The following INPP5A variants were observed in gnomAD, a reference collection of about 807,000 sequenced individuals.
The protein encoded by INPP5A is 43 kDa inositol polyphosphate 5-phophatase.
Under a neutral mutation model 65.2 loss-of-function variants are expected in INPP5A, and 14 were observed. The observed-to-expected ratio is 0.21, with a 90% CI of 0.14 to 0.34. INPP5A has a LOEUF of 0.34. Among genes scored for constraint, INPP5A ranks in the 10% least tolerant of loss-of-function variants. INPP5A has a pLI of 1.00. For synonymous variants in INPP5A, 207 were observed against 208.3 expected (o/e 0.99, Z 0.05); for missense variants, 431 against 545.6 (o/e 0.79, Z 2.09).
At chr10:132,554,485 C>T (rs888967011) in intron 1 of INPP5A, among the ~76,000 whole-genome samples, 13 of 152,212 alleles carry the variant, frequency 8.5e-5, no homozygotes, top group African/African-American at 2.6e-4. Context: ...TACTGAGAGG[C>T]GGGAAATAGG....
intron 2 of INPP5A, among the ~76,000 whole-genome samples, chr10:132,630,908 C>T (rs571313663): frequency 8.5e-5 from 13 of 152,178 alleles, no homozygotes; most frequent in Non-Finnish European, 1.8e-4. Context: ...CACCTCTGCC[C>T]GTGGCGTCTC....
chr10:132,679,901 G>A (rs937778537), intron 4 of INPP5A, among the ~76,000 whole-genome samples: 1 of 152,208 alleles, frequency 6.6e-6, no homozygotes, highest in Admixed American at 6.5e-5. Flanking sequence ...GTGCTGGGAC[G>A]CTGATACCCA....
chr10:132,579,221 G>A (rs1239905841), intron 1 of INPP5A, among the ~76,000 whole-genome samples: 4 of 152,040 alleles, frequency 2.6e-5, no homozygotes. Flanking sequence ...GGGGGGAGGT[G>A]GAGCCTGTGG....
rs957573448 is a variant in INPP5A, at chr10:132,782,490, G to A, written c.*461G>A. 5.0e-6 allele frequency: 1 copy of A among 200,102 alleles called. No homozygotes were observed. Among genetic ancestry groups the A allele is most frequent in the East Asian group, 1.2e-4 (1 of 8,002 alleles). 12.4% of individuals were successfully genotyped at this position (200,102 alleles called of 1,614,324 possible). ...CTCTGCCGGCCGGCAGCGTGGCCCT[G>A]AGCATGGCAAGGGGGTCTGTCTCTG... On this transcript the variant is annotated 3_prime_UTR_variant, in exon 16 of 16. Coordinates refer to ENST00000368594, the MANE Select transcript of INPP5A (RefSeq NM_005539.5). This position sits in a 1 kb window ranked among gnomAD's most constrained non-coding sequence, Gnocchi z 4.4.
At chr10:132,765,317 A>G (rs530681948) in intron 11 of INPP5A, among the ~76,000 whole-genome samples, 114 of 152,282 alleles carry the variant, frequency 7.5e-4, no homozygotes, top group African/African-American at 2.5e-3. Flanking sequence ...CCAGAATCTC[A>G]CCAGTGTGCA....
chr10:132,631,733 G>C (rs1433389941), intron 2 of INPP5A, among the ~76,000 whole-genome samples: 2 of 152,260 alleles, frequency 1.3e-5, no homozygotes, highest in Non-Finnish European at 2.9e-5. Flanking sequence ...GCAGGGTGCT[G>C]CTTGTTTGGC....
In INPP5A at chr10:132,616,306, C is replaced by G. The variant is rs1486583460; in HGVS notation, c.117+8350C>G. 6.6e-6 allele frequency among the ~76,000 whole-genome samples: 1 copy of G among 152,042 alleles called. No homozygotes were observed. The highest frequency in any genetic ancestry group is 1.9e-4 in the East Asian group (1 of 5,178). On this transcript the variant is annotated intron_variant, in intron 2 of 15. Coordinates refer to ENST00000368594, the MANE Select transcript of INPP5A (RefSeq NM_005539.5). The surrounding 1 kb of genome is among the most constrained non-coding windows in gnomAD (Gnocchi z 4.9). Reference sequence around the variant, plus strand: ...AGGGAGGACCACAGTGGCAGATGTGCAGTGTGGGGCATGTGGCGTGCAGGG... The same window carrying G: ...AGGGAGGACCACAGTGGCAGATGTGGAGTGTGGGGCATGTGGCGTGCAGGG...
chr10:132,605,842 C>T (rs1406165046), intron 1 of INPP5A, among the ~76,000 whole-genome samples: 1 of 152,188 alleles, frequency 6.6e-6, no homozygotes, highest in African/African-American at 2.4e-5. Flanking sequence ...TTCATTTAGA[C>T]TTTTGGTCTA....
intron 4 of INPP5A, among the ~76,000 whole-genome samples, chr10:132,667,493 C>T (rs2072821337): frequency 6.6e-6 from 1 of 152,156 alleles, no homozygotes; most frequent in Admixed American, 6.5e-5. Flanking sequence ...GGCATGCTGG[C>T]AGGGCGAGGC....
intron 1 of INPP5A, among the ~76,000 whole-genome samples, chr10:132,570,041 C>G (rs1291703045): frequency 6.7e-6 from 1 of 148,614 alleles, no homozygotes; most frequent in African/African-American, 2.4e-5. Flanking sequence ...CTCAGGTGAT[C>G]CACTCACCTC....
chr10:132,655,250 G>A (rs1301948146), intron 4 of INPP5A, among the ~76,000 whole-genome samples: 2 of 152,218 alleles, frequency 1.3e-5, no homozygotes, highest in African/African-American at 2.4e-5. Context: ...TCAGCCTGGT[G>A]TCCCTACCCC....
At chr10:132,780,396 ACAAAT>A (rs2134697975) in intron 13 of INPP5A, among the ~76,000 whole-genome samples, 1 of 152,358 alleles carries the variant, frequency 6.6e-6, no homozygotes, top group Non-Finnish European at 1.5e-5. Flanking sequence ...ACAGTCAAAA[ACAAAT>A]CAAAGTGGGA....
rs532258991 is a variant in INPP5A at position 132,576,988 on chromosome 10, C to T, written c.76-30927C>T. Among the ~76,000 whole-genome samples the T allele has an allele frequency of 9.2e-5, 14 of 152,350 alleles. No individual in the cohort carries two copies. In the South Asian group the frequency reaches 1.7e-3, roughly 18 times the overall value. ...GGTGGGCTGAGTGCCACGGTTTGAA[C>T]GCACCTGTGGTGCCTCTGACCCATG... On this transcript the variant is annotated intron_variant, in intron 1 of 15. Coordinates refer to ENST00000368594, the MANE Select transcript of INPP5A (RefSeq NM_005539.5).
intron 9 of INPP5A, among the ~76,000 whole-genome samples, chr10:132,743,211 C>T (rs1174645559): frequency 2.0e-5 from 3 of 147,868 alleles, no homozygotes; most frequent in Admixed American, 6.7e-5. Context: ...TGCACTCAGC[C>T]CCAGCAGGGA....
Position 132,663,600 on chromosome 10 carries a change from C to T in INPP5A, c.306+13095C>T, listed in dbSNP as rs968096675. 6.6e-6 allele frequency among the ~76,000 whole-genome samples: 1 copy of T among 152,194 alleles called. No homozygotes were observed. Among genetic ancestry groups the T allele is most frequent in the African/African-American group, 2.4e-5 (1 of 41,432 alleles). The stretch of plus-strand genomic sequence containing the variant: ...TTCCCACTCAATGAGTGATTTTGGT[C>T]GACGTTCACCTGTACTTTCTCTGCA... On this transcript the variant is annotated intron_variant, in intron 4 of 15. Transcript: ENST00000368594. The surrounding 1 kb of genome is among the most constrained non-coding windows in gnomAD (Gnocchi z 4.5).
chr10:132,731,725 C>T (rs78810369), intron 9 of INPP5A, among the ~76,000 whole-genome samples: 1 of 106,414 alleles, frequency 9.4e-6, no homozygotes, highest in South Asian at 3.2e-4. Flanking sequence ...GAGGGTTTCC[C>T]CCAGTGAGGG....
chr10:132,654,450 G>T (rs746757617), intron 4 of INPP5A, among the ~76,000 whole-genome samples: 5 of 152,230 alleles, frequency 3.3e-5, no homozygotes, highest in Non-Finnish European at 5.9e-5. Flanking sequence ...GGCAGACCTC[G>T]GAACGCTGCC....
In INPP5A at chr10:132,678,021, G is replaced by A. The variant is rs1465443636; in HGVS notation, c.307-12371G>A. On this transcript the variant is annotated intron_variant, in intron 4 of 15. Transcript: ENST00000368594. This position sits in a 1 kb window ranked among gnomAD's most constrained non-coding sequence, Gnocchi z 4.1. ...ATGAGATTACGTGTGCATCTCTCCC[G>A]CCAGCAGCCAGCCGGGAGAGGGGCT... Among the ~76,000 whole-genome samples the A allele has an allele frequency of 2.6e-5, 4 of 152,242 alleles. No individual in the cohort carries two copies. Among genetic ancestry groups the A allele is most frequent in the East Asian group, 3.8e-4 (2 of 5,200 alleles).
In INPP5A at chr10:132,782,144, G is replaced by C; in HGVS notation, c.*115G>C. 6.6e-7 allele frequency: 1 copy of C among 1,511,072 alleles called. No individual in the cohort carries two copies. The highest frequency in any genetic ancestry group is 8.9e-7 in the Non-Finnish European group (1 of 1,119,474). The allele number at this position is 1,511,072 out of a possible 1,614,324, so 93.6% of individuals were successfully genotyped here. A position where few individuals can be genotyped will look rare whatever the true frequency, so the allele number is the denominator to read the frequency against. ...TCGAGAACCCGCCCAAGCGCCACCT[G>C]CTAGACGGCCAGCCCCACACTTCGC... On this transcript the variant is annotated 3_prime_UTR_variant, in exon 16 of 16. Coordinates refer to ENST00000368594, the MANE Select transcript of INPP5A (RefSeq NM_005539.5). This position sits in a 1 kb window ranked among gnomAD's most constrained non-coding sequence, Gnocchi z 4.4.
Sources: allele counts gnomAD v4.1 joint callset (sites outside exome capture counted in the v4.1 genomes callset), GRCh38; gene constraint gnomAD v4.1.1; non-coding constraint Gnocchi (gnomAD v3.1); transcripts MANE v1.5; gene names NCBI Gene and HGNC (gene_info 2026-07-23, HGNC 2026-07-21).